ST3GAL3: variants seen among roughly 807,000 people sequenced by gnomAD.
The protein encoded by ST3GAL3 is CMP-N-acetylneuraminate-beta-1,4-galactoside alpha-2,3-sialyltransferase.
Under a neutral mutation model 50.1 loss-of-function variants are expected in ST3GAL3, and 21 were observed. The observed-to-expected ratio is 0.42, with a 90% CI of 0.30 to 0.60. The LOEUF (loss-of-function observed/expected upper bound fraction) is 0.60. Ranked by LOEUF, ST3GAL3 falls within the 20% of genes least tolerant of loss-of-function variation. ST3GAL3 has a pLI of 0.19. For missense variants in ST3GAL3, 353 were observed against 489.4 expected, an observed-to-expected ratio of 0.72 and a Z score of 2.63; for synonymous variants, 183 against 190.0, an observed-to-expected ratio of 0.96 and a Z score of 0.30.
At chr1:43,777,613 G>A (rs1474835736) in intron 2 of ST3GAL3, among the ~76,000 whole-genome samples, 2 of 152,018 alleles carry the variant, frequency 1.3e-5, no homozygotes. Flanking sequence ...AACTCAAGAC[G>A]GATTAAAGAC....
chr1:43,773,832 A>G (rs771426970), intron 2 of ST3GAL3, among the ~76,000 whole-genome samples: 5 of 152,250 alleles, frequency 3.3e-5, no homozygotes, highest in African/African-American at 7.2e-5. Flanking sequence ...GATCCAATTT[A>G]ATATCACCAG....
At chr1:43,732,387 C>T (rs1676329932) in intron 1 of ST3GAL3, among the ~76,000 whole-genome samples, 1 of 152,182 alleles carries the variant, frequency 6.6e-6, no homozygotes, top group South Asian at 2.1e-4. Context: ...CAGCTGTGCT[C>T]GTTATCCGTG....
At chr1:43,795,501 A>T (rs1343677289) in intron 3 of ST3GAL3, among the ~76,000 whole-genome samples, 1 of 152,226 alleles carries the variant, frequency 6.6e-6, no homozygotes, top group African/African-American at 2.4e-5. Flanking sequence ...CTTTGCATCA[A>T]GCCTAAAAGG....
intron 5 of ST3GAL3, among the ~76,000 whole-genome samples, chr1:43,882,840 T>C (rs1487052298): frequency 6.6e-6 from 1 of 152,160 alleles, no homozygotes. Flanking sequence ...TATAGGTCAC[T>C]ATCTTAGAGA....
At chr1:43,788,493 A>G (rs901094205) in intron 2 of ST3GAL3, among the ~76,000 whole-genome samples, 2 of 152,034 alleles carry the variant, frequency 1.3e-5, no homozygotes, top group African/African-American at 4.8e-5. Flanking sequence ...TTGTGTGAGC[A>G]CTCATTTTCC....
rs1269760462 is a variant in ST3GAL3, at chr1:43,792,049, G to A, written c.119-53G>A. ...GTTTGGGCAGAGCCAGTGGGAGCTT[G>A]CTTTTTTATTATAAGAAGGAGAAAG... On this transcript the variant is annotated intron_variant, in intron 2 of 11. Coordinates refer to ENST00000347631, the MANE Select transcript of ST3GAL3 (RefSeq NM_006279.5). The A allele has an allele frequency of 5.2e-5, 84 of 1,611,330 alleles. 3 individuals are homozygous for A. The South Asian group carries it at 9.1e-4, about 17-fold the overall frequency.
At chr1:43,881,820 A>G (rs2075193488) in intron 5 of ST3GAL3, among the ~76,000 whole-genome samples, 1 of 152,222 alleles carries the variant, frequency 6.6e-6, no homozygotes, top group Non-Finnish European at 1.5e-5. Flanking sequence ...CATTGGAAAC[A>G]TCACTGGAAG....
chr1:43,780,247 C>T (rs1350284118), intron 2 of ST3GAL3, among the ~76,000 whole-genome samples: 1 of 152,180 alleles, frequency 6.6e-6, no homozygotes, highest in African/African-American at 2.4e-5. Flanking sequence ...TTTGAAGATA[C>T]TGCCCCCATT....
intron 2 of ST3GAL3, among the ~76,000 whole-genome samples, chr1:43,742,769 A>G (rs1410319287): frequency 3.3e-5 from 5 of 152,240 alleles, no homozygotes; most frequent in Non-Finnish European, 7.3e-5. Context: ...CAAATTCTAG[A>G]CCTGAAAAGT....
At chr1:43,710,429 C>T (rs1664108387) in intron 1 of ST3GAL3, among the ~76,000 whole-genome samples, 1 of 152,190 alleles carries the variant, frequency 6.6e-6, no homozygotes, top group South Asian at 2.1e-4. Flanking sequence ...TGATCTGGGG[C>T]CATTGGACCA....
intron 2 of ST3GAL3, among the ~76,000 whole-genome samples, chr1:43,766,067 G>A (rs1692835238): frequency 6.6e-6 from 1 of 151,908 alleles, no homozygotes. Flanking sequence ...TCTAAGAGCT[G>A]GAATAAAAAA....
intron 2 of ST3GAL3, among the ~76,000 whole-genome samples, chr1:43,754,842 C>T (rs1687461635): frequency 6.6e-6 from 1 of 151,172 alleles, no homozygotes; most frequent in Non-Finnish European, 1.5e-5. Flanking sequence ...ACCAGCTACT[C>T]GGGAAGCTGA....
At chr1:43,865,651 A>G (rs2071152498) in intron 5 of ST3GAL3, among the ~76,000 whole-genome samples, 1 of 152,210 alleles carries the variant, frequency 6.6e-6, no homozygotes, top group Non-Finnish European at 1.5e-5. Context: ...GGTGCCACAA[A>G]TACACAGAAA....
chr1:43,803,939 A>G (rs1040035038), intron 3 of ST3GAL3, among the ~76,000 whole-genome samples: 6 of 152,322 alleles, frequency 3.9e-5, no homozygotes, highest in Admixed American at 6.5e-5. Context: ...AGCCTGGCCA[A>G]AGCAGGAAGC....
intron 4 of ST3GAL3, among the ~76,000 whole-genome samples, chr1:43,817,467 TCTC>T (rs1202852445): frequency 1.4e-5 from 2 of 146,674 alleles, no homozygotes; most frequent in African/African-American, 5.0e-5. Context: ...TCTTTCTTCT[TCTC>T]CTTCTCCTTG....
At chr1:43,850,977 T>C in intron 5 of ST3GAL3, 1 of 911,332 alleles carries the variant, frequency 1.1e-6, no homozygotes, top group Non-Finnish European at 1.8e-6. Flanking sequence ...GCCTCTCAGG[T>C]TCTTGTGAGT....
At chr1:43,746,009 CTAT>C (rs1461593040) in intron 2 of ST3GAL3, among the ~76,000 whole-genome samples, 14 of 152,338 alleles carry the variant, frequency 9.2e-5, no homozygotes, top group African/African-American at 3.1e-4. Context: ...TAAATACACT[CTAT>C]GATATTTGCA....
intron 3 of ST3GAL3, among the ~76,000 whole-genome samples, chr1:43,811,108 A>G (rs1194702145): frequency 1.3e-5 from 2 of 152,186 alleles, no homozygotes; most frequent in Non-Finnish European, 2.9e-5. Context: ...TCTTCAATAC[A>G]TCTGAAGTAA....
chr1:43,829,166 C>T (rs1353107500), intron 4 of ST3GAL3, among the ~76,000 whole-genome samples: 2 of 151,460 alleles, frequency 1.3e-5, no homozygotes, highest in Non-Finnish European at 1.5e-5. Flanking sequence ...GAAACAGCCA[C>T]AACCAATATC....
Sources: allele counts gnomAD v4.1 joint callset (sites outside exome capture counted in the v4.1 genomes callset), GRCh38; gene constraint gnomAD v4.1.1; transcripts MANE v1.5; gene names NCBI Gene and HGNC (gene_info 2026-07-23, HGNC 2026-07-21).